The following DPP10 variants were observed in gnomAD, a reference collection of about 807,000 sequenced individuals.
The protein encoded by DPP10 is inactive dipeptidyl peptidase 10.
In DPP10, 33 loss-of-function variants were observed where a neutral mutation model predicts 120.9. That is an observed-to-expected ratio of 0.27 (90% CI 0.21 to 0.37). DPP10 has a LOEUF of 0.37. Ranked by LOEUF, DPP10 falls within the 10% of genes least tolerant of loss-of-function variation. The pLI, the probability that DPP10 is intolerant of heterozygous loss-of-function variation, is 1.00. For missense variants in DPP10, 816 were observed against 942.8 expected, an observed-to-expected ratio of 0.87 and a Z score of 1.76; for synonymous variants, 337 against 326.1, an observed-to-expected ratio of 1.03 and a Z score of -0.36.
intron 21 of DPP10, among the ~76,000 whole-genome samples, chr2:115,833,998 A>T (rs1210886450): frequency 6.6e-6 from 1 of 152,150 alleles, no homozygotes; most frequent in South Asian, 2.1e-4. Flanking sequence ...CTACTTCCAG[A>T]TTTTGCTGGC....
At chr2:114,445,532 CTCTGTGTGTGTG>C (rs1352708863) in intron 1 of DPP10, among the ~76,000 whole-genome samples, 1 of 116,034 alleles carries the variant, frequency 8.6e-6, no homozygotes, top group Non-Finnish European at 1.8e-5. Context: ...GGAAAAACAG[CTCTGTGTGTGTG>C]TGTGTGTGTG....
At chr2:115,665,942 A>G (rs1353657753) in intron 5 of DPP10, among the ~76,000 whole-genome samples, 1 of 151,322 alleles carries the variant, frequency 6.6e-6, no homozygotes, top group African/African-American at 2.4e-5. Context: ...GGTTTGTTTT[A>G]TGGGTAAATT....
intron 1 of DPP10, among the ~76,000 whole-genome samples, chr2:115,094,365 G>T (rs1299002343): frequency 1.3e-5 from 2 of 152,000 alleles, no homozygotes; most frequent in Non-Finnish European, 2.9e-5. Flanking sequence ...TCAAATATCT[G>T]GACTGAGGTA....
At chr2:115,505,524 T>G (rs1437309004) in intron 4 of DPP10, among the ~76,000 whole-genome samples, 1 of 152,136 alleles carries the variant, frequency 6.6e-6, no homozygotes, top group Non-Finnish European at 1.5e-5. Flanking sequence ...TGTTTGCGAT[T>G]GTTTTGGAAT....
intron 1 of DPP10, among the ~76,000 whole-genome samples, chr2:115,148,034 G>T (rs892050154): frequency 2.0e-5 from 3 of 152,096 alleles, no homozygotes; most frequent in Non-Finnish European, 4.4e-5. Context: ...ATCCTTTCTT[G>T]AACCCCATTT....
intron 1 of DPP10, among the ~76,000 whole-genome samples, chr2:114,954,020 T>G (rs974392183): frequency 1.3e-5 from 2 of 150,936 alleles, no homozygotes; most frequent in Non-Finnish European, 2.9e-5. Flanking sequence ...AAACAAAATG[T>G]AGAAATAAAA....
intron 1 of DPP10, among the ~76,000 whole-genome samples, chr2:114,831,615 G>A (rs929482940): frequency 6.6e-6 from 1 of 152,048 alleles, no homozygotes; most frequent in Non-Finnish European, 1.5e-5. Flanking sequence ...GAAAGCACGA[G>A]CAATAAAGAC....
intron 19 of DPP10, among the ~76,000 whole-genome samples, chr2:115,794,356 T>C (rs1684312661): frequency 6.6e-6 from 1 of 152,340 alleles, no homozygotes; most frequent in African/African-American, 2.4e-5. Flanking sequence ...GAAAGTGGCC[T>C]CTGGCAATTT....
intron 1 of DPP10, among the ~76,000 whole-genome samples, chr2:114,950,252 A>G (rs954540151): frequency 1.3e-5 from 2 of 150,174 alleles, no homozygotes; most frequent in Admixed American, 1.3e-4. Context: ...TGCCAAGACA[A>G]CTACCCTATG....
At chr2:115,318,945 C>G (rs1270726736) in intron 2 of DPP10, among the ~76,000 whole-genome samples, 1 of 152,054 alleles carries the variant, frequency 6.6e-6, no homozygotes, top group Non-Finnish European at 1.5e-5. Context: ...ATTTCCAGTA[C>G]AATGCTGGAT....
chr2:115,254,046 T>G (rs907180064), intron 1 of DPP10, among the ~76,000 whole-genome samples: 2 of 151,834 alleles, frequency 1.3e-5, no homozygotes, highest in African/African-American at 4.8e-5. Context: ...TTAACTCTTG[T>G]ACTCTGCATG....
At chr2:114,466,064 A>C (rs1679342412) in intron 1 of DPP10, among the ~76,000 whole-genome samples, 1 of 152,196 alleles carries the variant, frequency 6.6e-6, no homozygotes, top group Non-Finnish European at 1.5e-5. Flanking sequence ...GAAAGAAATA[A>C]TACTATTAGG....
At chr2:115,362,728 C>A (rs2064860352) in intron 3 of DPP10, among the ~76,000 whole-genome samples, 1 of 152,154 alleles carries the variant, frequency 6.6e-6, no homozygotes, top group Non-Finnish European at 1.5e-5. Context: ...ACAGTTGAAG[C>A]TACTGTTTTA....
At chr2:115,061,828 G>T (rs746515047) in intron 1 of DPP10, among the ~76,000 whole-genome samples, 11 of 152,092 alleles carry the variant, frequency 7.2e-5, no homozygotes, top group Non-Finnish European at 1.3e-4. Context: ...ACAGCATGTT[G>T]AAGAAGCTAA....
At chr2:114,739,735 G>T (rs1036798405) in intron 1 of DPP10, among the ~76,000 whole-genome samples, 2 of 152,116 alleles carry the variant, frequency 1.3e-5, no homozygotes, top group South Asian at 2.1e-4. Flanking sequence ...TGGTGGCAAC[G>T]TTTAGATTTT....
intron 5 of DPP10, among the ~76,000 whole-genome samples, chr2:115,530,310 T>A (rs76736458): frequency 0.01 from 1,536 of 152,230 alleles, 10 homozygotes; most frequent in Middle Eastern, 0.037. Context: ...AGAGGTGATA[T>A]GACACAAACA....
intron 1 of DPP10, chr2:114,462,261 A>G: frequency 2.1e-6 from 1 of 484,082 alleles, no homozygotes; most frequent in Non-Finnish European, 2.7e-6. Context: ...TTACACTACT[A>G]TAGTACATTT....
chr2:115,381,290 C>G (rs1190561627), intron 3 of DPP10, among the ~76,000 whole-genome samples: 1 of 152,174 alleles, frequency 6.6e-6, no homozygotes, highest in Non-Finnish European at 1.5e-5. Flanking sequence ...CTTCTCACTT[C>G]ATTTCATTCA....
intron 1 of DPP10, among the ~76,000 whole-genome samples, chr2:115,275,788 C>T (rs1210128133): frequency 1.3e-5 from 2 of 150,450 alleles, no homozygotes; most frequent in Non-Finnish European, 2.9e-5. Context: ...CAAGCTCTGC[C>T]TCCCGGGTTC....
Sources: allele counts gnomAD v4.1 joint callset (sites outside exome capture counted in the v4.1 genomes callset), GRCh38; gene constraint gnomAD v4.1.1; transcripts MANE v1.5; gene names NCBI Gene and HGNC (gene_info 2026-07-23, HGNC 2026-07-21).